Variants in PLEKHH2 observed in about 807,000 individuals in gnomAD.
PLEKHH2 encodes pleckstrin homology, MyTH4 and FERM domain containing H2, also known as pleckstrin homology domain-containing family H member 2.
Under a neutral mutation model 187.9 loss-of-function variants are expected in PLEKHH2, and 129 were observed. The ratio of observed to expected loss-of-function variants is 0.69; its 90% CI spans 0.59 to 0.79. PLEKHH2 has a LOEUF of 0.79. Ranked by LOEUF, PLEKHH2 falls within the 30% of genes least tolerant of loss-of-function variation. PLEKHH2 has a pLI of 0.00. For synonymous variants in PLEKHH2, 686 were observed against 605.6 expected (o/e 1.13, Z -1.95); for missense variants, 2,076 against 1,751.2 (o/e 1.19, Z -3.31).
rs17031398 is a variant in PLEKHH2, at chr2:43,755,498, C to A, written c.3796-1621C>A. Among the ~76,000 whole-genome samples the A allele has an allele frequency of 7.2e-3, 1,104 of 152,282 alleles. 14 individuals are homozygous for A. Among genetic ancestry groups the A allele is most frequent in the African/African-American group, 0.025 (1,038 of 41,536 alleles). ...TGGTCTGGTCCCTCACAAATTTATC[C>A]TTCACACAAATGCTAGAGGGATTTT... On this transcript the variant is annotated intron_variant, in intron 25 of 29. Coordinates refer to ENST00000282406, the MANE Select transcript of PLEKHH2 (RefSeq NM_172069.4).
At chr2:43,705,251 CTTTTTT>C (rs5830767) in intron 9 of PLEKHH2, among the ~76,000 whole-genome samples, 1 of 95,862 alleles carries the variant, frequency 1.0e-5, no homozygotes, top group East Asian at 2.4e-4. Flanking sequence ...AAATTTTATC[CTTTTTT>C]TTTTTTTTTT....
intron 11 of PLEKHH2, among the ~76,000 whole-genome samples, 176 bp from the exon 12 acceptor site, chr2:43,709,814 G>A (rs975636739): frequency 1.6e-4 from 24 of 152,230 alleles, no homozygotes; most frequent in African/African-American, 5.3e-4. Context: ...CCAGCCTGGT[G>A]ACAGAGCGAG....
chr2:43,757,010 A>G, intron 25 of PLEKHH2, 109 bp from the exon 26 acceptor site: 1 of 707,636 alleles, frequency 1.4e-6, no homozygotes, highest in South Asian at 3.9e-5. Flanking sequence ...TGACAAATAG[A>G]TTTATGTATT....
At chr2:43,759,809 A>T (rs576695733) in intron 27 of PLEKHH2, among the ~76,000 whole-genome samples, 5 of 152,232 alleles carry the variant, frequency 3.3e-5, no homozygotes, top group Admixed American at 3.3e-4. Context: ...CTTAATAAAT[A>T]TTGCTGAATA....
At chr2:43,746,054 A>G (rs1401387247) in intron 24 of PLEKHH2, 91 bp downstream of exon 24, 10 of 679,084 alleles carry the variant, frequency 1.5e-5, no homozygotes, top group South Asian at 9.0e-5. Flanking sequence ...GAATGCCTTA[A>G]AAGTTATTTA....
chr2:43,669,052 CCGTTACTT>C (rs1667370784), intron 2 of PLEKHH2, among the ~76,000 whole-genome samples: 1 of 152,136 alleles, frequency 6.6e-6, no homozygotes, highest in African/African-American at 2.4e-5. Context: ...CAGGAATAGT[CCGTTACTT>C]AAACTTACAA....
intron 3 of PLEKHH2, 91 bp from the exon 4 acceptor site, chr2:43,692,423 A>C: frequency 9.7e-7 from 1 of 1,026,622 alleles, no homozygotes; most frequent in South Asian, 1.7e-5. Flanking sequence ...GTCTTTTAGG[A>C]ATCTACATAA....
Position 43,685,074 on chromosome 2 carries a change from T to G in PLEKHH2, c.186+6149T>G, listed in dbSNP as rs188557590. ...CTTTGCAAGACTAAGTGTTAATAAC[T>G]TAGAGTAACTGAATCCTTCGCCATC... On this transcript the variant is annotated intron_variant, in intron 3 of 29. Coordinates refer to ENST00000282406, the MANE Select transcript of PLEKHH2 (RefSeq NM_172069.4). 2.4e-3 allele frequency among the ~76,000 whole-genome samples: 373 copies of G among 152,340 alleles called. 2 individuals carry two copies. Among genetic ancestry groups the G allele is most frequent in the African/African-American group, 8.5e-3 (352 of 41,568 alleles).
intron 11 of PLEKHH2, among the ~76,000 whole-genome samples, chr2:43,709,619 C>T (rs111589422): frequency 0.016 from 2,431 of 152,190 alleles, 71 homozygotes; most frequent in African/African-American, 0.055. Flanking sequence ...AGGCGGATCA[C>T]GAGGTCAAGA....
chr2:43,710,913 G>C (rs1669933773), intron 14 of PLEKHH2: 10 of 1,064,258 alleles, frequency 9.4e-6, no homozygotes, highest in Non-Finnish European at 1.0e-5. Context: ...TAAGATGTTA[G>C]TTATATAATG....
chr2:43,748,881 C>T (rs1411768801), intron 24 of PLEKHH2, among the ~76,000 whole-genome samples: 1 of 152,160 alleles, frequency 6.6e-6, no homozygotes, highest in Non-Finnish European at 1.5e-5. Flanking sequence ...TTCAGCCTCC[C>T]AGATAGCTGG....
At chr2:43,742,355 G>T (rs1381013032) in intron 21 of PLEKHH2, among the ~76,000 whole-genome samples, 1 of 151,596 alleles carries the variant, frequency 6.6e-6, no homozygotes, top group Non-Finnish European at 1.5e-5. Flanking sequence ...TAACCACCAT[G>T]TTCTTCAGAA....
At chr2:43,709,713 G>A in intron 11 of PLEKHH2, among the ~76,000 whole-genome samples, 1 of 152,192 alleles carries the variant, frequency 6.6e-6, no homozygotes, top group South Asian at 2.1e-4. Context: ...GCGCACACCT[G>A]TAGCCCCAGC....
At chr2:43,722,437 C>T (rs187270327) in intron 16 of PLEKHH2, among the ~76,000 whole-genome samples, 2 of 152,166 alleles carry the variant, frequency 1.3e-5, no homozygotes, top group East Asian at 3.9e-4. Context: ...GGCAGCTGGT[C>T]CTCGAGGCTT....
intron 17 of PLEKHH2, among the ~76,000 whole-genome samples, chr2:43,728,716 C>T (rs540228976): frequency 6.6e-6 from 1 of 151,702 alleles, no homozygotes; most frequent in Admixed American, 6.6e-5. Flanking sequence ...CATGCACCAC[C>T]ATGCCCAGCT....
chr2:43,675,196 T>C (rs781603595), intron 2 of PLEKHH2: 28 of 445,436 alleles, frequency 6.3e-5, no homozygotes, highest in Non-Finnish European at 1.1e-4. Context: ...ATCCAAAACA[T>C]TATTTCAATG....
intron 2 of PLEKHH2, among the ~76,000 whole-genome samples, chr2:43,668,864 G>A (rs543602748): frequency 5.9e-5 from 9 of 152,248 alleles, no homozygotes; most frequent in Admixed American, 4.6e-4. Flanking sequence ...GTTGTTACCC[G>A]AAGAGTTAAT....
chr2:43,747,109 C>CCT (rs10696940), intron 24 of PLEKHH2, among the ~76,000 whole-genome samples: 9,063 of 126,192 alleles, frequency 0.072, 338 homozygotes, highest in African/African-American at 0.12. Context: ...TCTCTCTCTC[C>CCT]CTCTCTCTCT....
intron 14 of PLEKHH2, chr2:43,711,171 G>T: frequency 2.0e-6 from 2 of 985,468 alleles, no homozygotes; most frequent in East Asian, 1.1e-4. Flanking sequence ...GTAATTTAAA[G>T]TCAGACACTT....
Sources: allele counts gnomAD v4.1 joint callset (sites outside exome capture counted in the v4.1 genomes callset), GRCh38; gene constraint gnomAD v4.1.1; transcripts MANE v1.5; gene names NCBI Gene and HGNC (gene_info 2026-07-23, HGNC 2026-07-21).